ADTRP: variants seen among roughly 807,000 people sequenced by gnomAD.
The protein encoded by ADTRP is androgen-dependent TFPI-regulating protein.
In ADTRP, 20 loss-of-function variants were observed where a neutral mutation model predicts 27.0. The ratio of observed to expected loss-of-function variants is 0.74; its 90% CI spans 0.52 to 1.08. ADTRP has a LOEUF of 1.08. Among genes scored for constraint, ADTRP ranks in the 50% least tolerant of loss-of-function variants. The probability of loss-of-function intolerance (pLI) is 0.00; values close to 1 mark genes in which losing one functional copy is unlikely to be tolerated. For synonymous variants in ADTRP, 101 were observed against 105.2 expected, an observed-to-expected ratio of 0.96 and a Z score of 0.25; for missense variants, 251 against 275.0, an observed-to-expected ratio of 0.91 and a Z score of 0.62.
intron 4 of ADTRP, among the ~76,000 whole-genome samples, chr6:11,734,198 C>T (rs1762473149): frequency 1.3e-5 from 2 of 152,334 alleles, no homozygotes; most frequent in African/African-American, 2.4e-5. Context: ...CAATCCAGGT[C>T]CCAGATACTC....
intron 4 of ADTRP, 152 bp from the exon 5 acceptor site, chr6:11,723,652 G>T: frequency 1.2e-6 from 1 of 845,402 alleles, no homozygotes; most frequent in East Asian, 2.6e-5. Context: ...CAAACCTAAA[G>T]AAGTGAGGCT....
chr6:11,714,069 G>A lies in ADTRP; in HGVS notation c.*409C>T, dbSNP rs1414704160. On this transcript the variant is annotated 3_prime_UTR_variant, in exon 6 of 6. Coordinates refer to ENST00000414691, the MANE Select transcript of ADTRP (RefSeq NM_032744.4). ...GGTTCTGACACTAAGTAACCCTTTTGCCTTTTGCAGGTAACTTCTCATCTA... is the reference window on the plus strand; with the variant it reads ...GGTTCTGACACTAAGTAACCCTTTTACCTTTTGCAGGTAACTTCTCATCTA... 1 of 168,150 alleles carries A rather than the reference G, an allele frequency of 5.9e-6. No individual in the cohort carries two copies. The highest frequency in any genetic ancestry group is 1.3e-5 in the Non-Finnish European group (1 of 79,396). 10.4% of individuals were successfully genotyped at this position (168,150 alleles called of 1,614,324 possible). A position where few individuals can be genotyped will look rare whatever the true frequency, so the allele number is the denominator to read the frequency against.
intron 3 of ADTRP, among the ~76,000 whole-genome samples, chr6:11,750,953 A>G (rs1332608252): frequency 6.6e-6 from 1 of 152,096 alleles, no homozygotes; most frequent in Admixed American, 6.5e-5. Context: ...CCAGGCTCAA[A>G]CGATTCTCCT....
chr6:11,759,788 T>C (rs891671820), intron 3 of ADTRP, among the ~76,000 whole-genome samples: 1 of 152,214 alleles, frequency 6.6e-6, no homozygotes, highest in Non-Finnish European at 1.5e-5. Flanking sequence ...AGAGGCTATC[T>C]TGAGTCATCT....
At chr6:11,735,527 G>C in intron 4 of ADTRP, 41 bp downstream of exon 4, 1 of 1,500,428 alleles carries the variant, frequency 6.7e-7, no homozygotes, top group Non-Finnish European at 9.2e-7. Flanking sequence ...TCAGGGTCTT[G>C]AACGACAAGC....
chr6:11,715,870 G>A (rs1389148850), intron 5 of ADTRP, among the ~76,000 whole-genome samples: 1 of 115,896 alleles, frequency 8.6e-6, no homozygotes, highest in African/African-American at 3.4e-5. Context: ...GTCTCACTAT[G>A]TTGCTCAGGA....
At position 11,715,568 on chromosome 6, in the gene ADTRP, C is replaced by T. The variant is rs192934779; in HGVS notation, c.659-1056G>A. Among the ~76,000 whole-genome samples, 5 of 152,020 alleles carry T rather than the reference C, an allele frequency of 3.3e-5. No individual in the cohort carries two copies. The East Asian group carries it at 7.7e-4, about 23-fold the overall frequency. On this transcript the variant is annotated intron_variant, in intron 5 of 5. Transcript: ENST00000414691. ...TCTAGACTACCCCAGTCACTTCAGC[C>T]GAGGCTTATTGTTTATCAAGCTTTA...
At chr6:11,756,380 A>T (rs1467927667) in intron 3 of ADTRP, among the ~76,000 whole-genome samples, 1 of 152,126 alleles carries the variant, frequency 6.6e-6, no homozygotes, top group Admixed American at 6.6e-5. Context: ...AGGGATGGGG[A>T]ATCACAGTTT....
At chr6:11,735,519 A>G (rs1762518218) in intron 4 of ADTRP, 49 bp downstream of exon 4, 6 of 1,402,072 alleles carry the variant, frequency 4.3e-6, no homozygotes, top group Admixed American at 1.8e-5. Flanking sequence ...AACTTCCCTC[A>G]GGGTCTTGAA....
intron 4 of ADTRP, among the ~76,000 whole-genome samples, chr6:11,733,620 G>A (rs1344019519): frequency 6.6e-6 from 1 of 152,176 alleles, no homozygotes; most frequent in East Asian, 1.9e-4. Context: ...CCCACTGTCT[G>A]TTATGCTCCT....
chr6:11,776,803 A>G (rs1050199091), intron 1 of ADTRP, among the ~76,000 whole-genome samples: 3 of 152,220 alleles, frequency 2.0e-5, no homozygotes, highest in African/African-American at 7.2e-5. Flanking sequence ...CTGGTTGGGC[A>G]GGTGAGCTCT....
Position 11,723,462 on chromosome 6 carries a change from T to A in ADTRP, c.545A>T (p.Tyr182Phe). 6.2e-7 allele frequency: 1 copy of A among 1,613,990 alleles called. No homozygotes were observed. Among genetic ancestry groups the A allele is most frequent in the Non-Finnish European group, 8.5e-7 (1 of 1,180,000 alleles). ...WLYFETGTWV[Y>F]PVFAKLSLLG... ...GAGGCTGAGTTTGGCAAACACAGGA[T>A]ACACCCAGGTACCCGTCTCAAAGTA... Residue 182 changes from tyrosine (Y) to phenylalanine (F), a missense_variant, in exon 5 of 6, where the codon TAT (tyrosine) becomes TTT (phenylalanine). Tyr to Phe is a conservative substitution (Grantham distance 22). Transcript: ENST00000414691.
chr6:11,745,423 A>G (rs1349829290), intron 3 of ADTRP, among the ~76,000 whole-genome samples: 1 of 152,226 alleles, frequency 6.6e-6, no homozygotes, highest in Non-Finnish European at 1.5e-5. Flanking sequence ...ATTTCAACTT[A>G]CATCTATTGT....
At chr6:11,755,187 T>G (rs1371135199) in intron 3 of ADTRP, 2 of 509,464 alleles carry the variant, frequency 3.9e-6, no homozygotes, top group Non-Finnish European at 5.0e-6. Context: ...AAATTCCTAG[T>G]AACTTCTCAG....
At chr6:11,774,152 C>CAA (rs35064760) in intron 1 of ADTRP, among the ~76,000 whole-genome samples, 4 of 150,488 alleles carry the variant, frequency 2.7e-5, no homozygotes, top group African/African-American at 7.3e-5. Flanking sequence ...ACTAAAAATA[C>CAA]AAAAAAAATT....
Position 11,754,963 on chromosome 6 carries a change from T to G in ADTRP, c.390+11311A>C, listed in dbSNP as rs1043741769. ...AGATCATGGGAGTTTGGCTCTTTCC[T>G]TCCACTTAGATTTTTAGTTTTTGCT... On this transcript the variant is annotated intron_variant, in intron 3 of 5. Coordinates refer to ENST00000414691, the MANE Select transcript of ADTRP (RefSeq NM_032744.4). 6 of 919,358 alleles carry G rather than the reference T, an allele frequency of 6.5e-6. No homozygotes were observed. The Admixed American group carries it at 3.7e-4, about 57-fold the overall frequency. The allele number at this position is 919,358 out of a possible 1,614,324, so 57.0% of individuals were successfully genotyped here.
intron 3 of ADTRP, chr6:11,754,935 T>G: frequency 1.3e-6 from 1 of 780,952 alleles, no homozygotes; most frequent in Non-Finnish European, 1.6e-6. Flanking sequence ...CACGTCTGTC[T>G]TGAGATCATG....
intron 1 of ADTRP, 103 bp from the exon 2 acceptor site, chr6:11,768,486 G>T (rs1763646921): frequency 6.9e-7 from 1 of 1,454,962 alleles, no homozygotes; most frequent in Non-Finnish European, 9.4e-7. Context: ...GGCTTTGAGA[G>T]GGAGAGGGCT....
At chr6:11,758,578 G>GC (rs1554114785) in intron 3 of ADTRP, among the ~76,000 whole-genome samples, 2 of 119,842 alleles carry the variant, frequency 1.7e-5, no homozygotes, top group Admixed American at 8.2e-5. Flanking sequence ...TGTGGGGTGG[G>GC]GGGGGGGGAC....
Sources: allele counts gnomAD v4.1 joint callset (sites outside exome capture counted in the v4.1 genomes callset), GRCh38; gene constraint gnomAD v4.1.1; transcripts MANE v1.5; gene names NCBI Gene and HGNC (gene_info 2026-07-23, HGNC 2026-07-21).